The following RPRD2 variants were observed in gnomAD, a reference collection of about 807,000 sequenced individuals.
RPRD2 encodes regulation of nuclear pre-mRNA domain containing 2.
Under a neutral mutation model 104.4 loss-of-function variants are expected in RPRD2, and 12 were observed. That is an observed-to-expected ratio of 0.11 (90% CI 0.07 to 0.19). The LOEUF (loss-of-function observed/expected upper bound fraction) is 0.19, where lower values mean the gene tolerates loss of function less well. Among genes scored for constraint, RPRD2 ranks in the 10% least tolerant of loss-of-function variants. The probability of loss-of-function intolerance (pLI) is 1.00; values close to 1 mark genes in which losing one functional copy is unlikely to be tolerated. For synonymous variants in RPRD2, 714 were observed against 684.9 expected (o/e 1.04, Z -0.66); for missense variants, 1,543 against 1,790.1 (o/e 0.86, Z 2.49).
At chr1:150,398,630 G>A (rs965187336) in intron 1 of RPRD2, among the ~76,000 whole-genome samples, 11 of 151,020 alleles carry the variant, frequency 7.3e-5, no homozygotes, top group South Asian at 6.3e-4. Context: ...TACAATCTCC[G>A]CCTCCTGGGT....
chr1:150,472,277 G>C lies in RPRD2; in HGVS notation c.3329G>C (p.Arg1110Pro). The change falls in exon 11 of 11, where the codon CGA becomes CCA. Residue 1110 changes from arginine (R) to proline (P), a missense_variant. Arg to Pro is a moderately radical substitution (Grantham distance 103, BLOSUM62 -2). This residue lies in a region of RPRD2 where 880 missense variants were observed against 885.6 expected (regional missense o/e 0.99). Transcript: ENST00000369068. ...CCGATCCAGACCGTAGAGTCCATCC[G>C]AGTTCCTGGGAAGGGAAATAGAGGA... ...GEPIQTVESI[R>P]VPGKGNRGHG... is the part of the protein sequence containing the mutation. 6.2e-7 allele frequency: 1 copy of C among 1,613,870 alleles called. No individual in the cohort carries two copies. The highest frequency in any genetic ancestry group is 8.5e-7 in the Non-Finnish European group (1 of 1,179,830).
chr1:150,397,709 G>A (rs1662636759), intron 1 of RPRD2, among the ~76,000 whole-genome samples: 1 of 152,102 alleles, frequency 6.6e-6, no homozygotes, highest in Non-Finnish European at 1.5e-5. Flanking sequence ...GGGTTGTTTT[G>A]TTCTTGGTAA....
intron 6 of RPRD2, 95 bp from the exon 7 acceptor site, chr1:150,446,131 A>G: frequency 1.3e-6 from 1 of 783,692 alleles, no homozygotes; most frequent in Non-Finnish European, 2.0e-6. Flanking sequence ...CAGCAAGAGT[A>G]TGTTCACAAA....
At position 150,441,899 on chromosome 1, in the gene RPRD2, A is replaced by C; in HGVS notation, c.455A>C (p.Gln152Pro). The stretch of plus-strand genomic sequence containing the variant: ...TTTCCAGGTACCACTTTCAAAACTC[A>C]GAAGCAGCTGAAAGAAAATCTGAAC... ...REALSTTFKTQKQLKENLNKQ... is the reference protein window; with the variant it reads ...REALSTTFKTPKQLKENLNKQ... Residue 152 changes from glutamine to proline, a missense_variant, in exon 4 of 11, where the codon CAG becomes CCG. Gln to Pro is a moderately conservative substitution (Grantham distance 76). Coordinates refer to ENST00000369068, the MANE Select transcript of RPRD2 (RefSeq NM_015203.5). 6.2e-7 allele frequency: 1 copy of C among 1,612,988 alleles called. No homozygotes were observed. The highest frequency in any genetic ancestry group is 8.5e-7 in the Non-Finnish European group (1 of 1,179,474).
Position 150,417,717 on chromosome 1 carries a change from T to C in RPRD2, c.327T>C (p.Ala109=). 1.3e-6 allele frequency: 2 copies of C among 1,598,622 alleles called. No homozygotes were observed. The highest frequency in any genetic ancestry group is 1.7e-6 in the Non-Finnish European group (2 of 1,170,216). ...SFADVLPEAA[A]LVKDPSVSKS... is the part of the protein sequence containing the mutation. The stretch of plus-strand genomic sequence containing the variant: ...CTGATGTACTTCCTGAAGCAGCTGC[T>C]CTAGTGAAGTAAGTAAATCTTTATT... Residue 109 remains alanine (A), a synonymous_variant, in exon 2 of 11, where the codon GCT becomes GCC. Coordinates refer to ENST00000369068, the MANE Select transcript of RPRD2 (RefSeq NM_015203.5).
At chr1:150,386,288 T>C (rs1661562979) in intron 1 of RPRD2, among the ~76,000 whole-genome samples, 1 of 152,070 alleles carries the variant, frequency 6.6e-6, no homozygotes, top group South Asian at 2.1e-4. Flanking sequence ...TTTTGGTATT[T>C]GAAATAGCAC....
intron 1 of RPRD2, among the ~76,000 whole-genome samples, chr1:150,410,252 T>G (rs1663798968): frequency 1.3e-5 from 2 of 152,128 alleles, no homozygotes; most frequent in African/African-American, 4.8e-5. Context: ...AACTTTACTC[T>G]TGTTAAAGAG....
chr1:150,443,858 A>C (rs1317425419), intron 5 of RPRD2, among the ~76,000 whole-genome samples: 3 of 151,780 alleles, frequency 2.0e-5, no homozygotes, highest in Non-Finnish European at 2.9e-5. Flanking sequence ...TAAAAAAAAA[A>C]AAAACAAAAA....
At position 150,471,250 on chromosome 1, in the gene RPRD2, A is replaced by G; in HGVS notation, c.2302A>G (p.Arg768Gly). Residue 768 changes from arginine to glycine, a missense_variant, in exon 11 of 11, where the codon AGA becomes GGA. Arg to Gly is a moderately radical substitution (Grantham distance 125, BLOSUM62 -2). This residue lies in a region of RPRD2 where 880 missense variants were observed against 885.6 expected (regional missense o/e 0.99). Coordinates refer to ENST00000369068, the MANE Select transcript of RPRD2 (RefSeq NM_015203.5). This position sits in a 1 kb window ranked among gnomAD's most constrained non-coding sequence, Gnocchi z 5.3. ...TGGTTCCTCAACACCCAGCAGTACA[A>G]GATCACCACCCCCTGGGAGAGATGA... ...SPGSSTPSST[R>G]SPPPGRDESY... is the part of the protein sequence containing the mutation. The G allele has an allele frequency of 1.2e-6, 2 of 1,613,782 alleles. No homozygotes were observed. The highest frequency in any genetic ancestry group is 1.7e-6 in the Non-Finnish European group (2 of 1,179,832).
intron 2 of RPRD2, among the ~76,000 whole-genome samples, chr1:150,421,163 C>T (rs1292013303): frequency 6.6e-6 from 1 of 152,122 alleles, no homozygotes; most frequent in Admixed American, 6.6e-5. Flanking sequence ...TAAGATAACT[C>T]AGCTAAATAG....
At chr1:150,409,795 C>A (rs1663766459) in intron 1 of RPRD2, among the ~76,000 whole-genome samples, 1 of 151,804 alleles carries the variant, frequency 6.6e-6, no homozygotes, top group Non-Finnish European at 1.5e-5. Flanking sequence ...CAGACGCATG[C>A]CACCACACCC....
intron 2 of RPRD2, among the ~76,000 whole-genome samples, chr1:150,418,835 C>A (rs1664558806): frequency 6.6e-6 from 1 of 152,046 alleles, no homozygotes; most frequent in African/African-American, 2.4e-5. Context: ...ATGGTAAAAC[C>A]CTGTCTCTAC....
intron 2 of RPRD2, among the ~76,000 whole-genome samples, chr1:150,429,096 C>CTT (rs781880204): frequency 3.7e-5 from 4 of 107,962 alleles, no homozygotes; most frequent in Non-Finnish European, 6.0e-5. Context: ...TCAGTAGTGG[C>CTT]TTTTTTTTTT....
At chr1:150,452,141 CAAA>C (rs34342843) in intron 7 of RPRD2, among the ~76,000 whole-genome samples, 6 of 110,924 alleles carry the variant, frequency 5.4e-5, no homozygotes, top group South Asian at 3.5e-4. Context: ...GACTCTGTCT[CAAA>C]AAAAAAAAAA....
Position 150,470,952 on chromosome 1 carries a change from G to A in RPRD2, c.2004G>A (p.Leu668=). ...KLESESTSPS[L]EMKIHNFLKG... is the part of the protein sequence containing the mutation. ...AGTCAGAGTCCACCTCCCCAAGCCT[G>A]GAAATGAAGATTCACAACTTCTTAA... Residue 668 remains leucine, a synonymous_variant, in exon 11 of 11, where the codon CTG becomes CTA. Transcript: ENST00000369068. The A allele has an allele frequency of 6.2e-7, 1 of 1,613,980 alleles. No homozygotes were observed. The highest frequency in any genetic ancestry group is 8.5e-7 in the Non-Finnish European group (1 of 1,179,886).
rs1659706034 is a variant in RPRD2, at chr1:150,364,781, C to T, written c.67C>T (p.Leu23=). ...SSSSASSAGA[L]ESSLDRKFQS... Reference sequence around the variant, plus strand: ...CTCGTCGGCCTCTTCGGCAGGGGCTCTGGAGTCCTCGTTGGATCGAAAATT... The same window carrying T: ...CTCGTCGGCCTCTTCGGCAGGGGCTTTGGAGTCCTCGTTGGATCGAAAATT... The change falls in exon 1 of 11, where the codon CTG becomes TTG. Residue 23 remains leucine, a synonymous_variant. Coordinates refer to ENST00000369068, the MANE Select transcript of RPRD2 (RefSeq NM_015203.5). The T allele has an allele frequency of 5.0e-6, 8 of 1,612,180 alleles. No individual in the cohort carries two copies. The highest frequency in any genetic ancestry group is 5.1e-6 in the Non-Finnish European group (6 of 1,179,194).
chr1:150,466,034 ATT>A (rs1553899888), intron 10 of RPRD2, among the ~76,000 whole-genome samples: 2 of 73,368 alleles, frequency 2.7e-5, no homozygotes, highest in Non-Finnish European at 8.1e-5. Context: ...AAAAAAAAAA[ATT>A]TTTTTATGAC....
intron 1 of RPRD2, among the ~76,000 whole-genome samples, chr1:150,397,905 C>T (rs1662653365): frequency 6.6e-6 from 1 of 152,042 alleles, no homozygotes; most frequent in African/African-American, 2.4e-5. Context: ...CATCCACCAC[C>T]ATGCCCAGCT....
chr1:150,388,430 A>G (rs115118122), intron 1 of RPRD2, among the ~76,000 whole-genome samples: 2,050 of 150,516 alleles, frequency 0.014, 50 homozygotes, highest in African/African-American at 0.047. Context: ...ATATATACAT[A>G]TATACATGTA....
Sources: allele counts gnomAD v4.1 joint callset (sites outside exome capture counted in the v4.1 genomes callset), GRCh38; gene constraint gnomAD v4.1.1; regional missense constraint gnomAD v4.1.1; non-coding constraint Gnocchi (gnomAD v3.1); transcripts MANE v1.5; gene names NCBI Gene and HGNC (gene_info 2026-07-23, HGNC 2026-07-21).